Variants in MAML3 observed in about 807,000 individuals in gnomAD.
MAML3 encodes mastermind-like protein 3.
Under a neutral mutation model 101.9 loss-of-function variants are expected in MAML3, and 27 were observed. The observed-to-expected ratio is 0.27, with a 90% CI of 0.20 to 0.37. The LOEUF is 0.37. MAML3 is among the 10% of genes least tolerant of loss of function. The pLI, the probability that MAML3 is intolerant of heterozygous loss-of-function variation, is 1.00. For missense variants in MAML3, 1,316 were observed against 1,444.9 expected, an observed-to-expected ratio of 0.91 and a Z score of 1.45; for synonymous variants, 501 against 555.9, an observed-to-expected ratio of 0.90 and a Z score of 1.39.
intron 1 of MAML3, among the ~76,000 whole-genome samples, chr4:140,013,158 T>A (rs1726590270): frequency 1.3e-5 from 2 of 152,318 alleles, no homozygotes; most frequent in South Asian, 4.1e-4. Flanking sequence ...AACCATTCTT[T>A]CCTTTACTCT....
intron 2 of MAML3, among the ~76,000 whole-genome samples, chr4:139,734,303 C>A (rs1279094590): frequency 1.3e-5 from 2 of 152,208 alleles, no homozygotes; most frequent in Non-Finnish European, 1.5e-5. Context: ...TTAGAGAAAA[C>A]CAGGCTGAGC....
chr4:139,843,088 G>C (rs1007548355), intron 2 of MAML3, among the ~76,000 whole-genome samples: 1 of 152,040 alleles, frequency 6.6e-6, no homozygotes, highest in Non-Finnish European at 1.5e-5. Flanking sequence ...GCCAAGGCCA[G>C]TTCCTTTTGT....
intron 3 of MAML3, among the ~76,000 whole-genome samples, chr4:139,728,874 G>C (rs1279020024): frequency 2.0e-5 from 3 of 152,138 alleles, no homozygotes; most frequent in African/African-American, 4.8e-5. Flanking sequence ...TGCTTGCCCT[G>C]GGCCTTCTTT....
chr4:140,052,130 C>T (rs990650476), intron 1 of MAML3, among the ~76,000 whole-genome samples: 3 of 152,066 alleles, frequency 2.0e-5, no homozygotes, highest in Admixed American at 6.6e-5. Flanking sequence ...GTAAAACCTA[C>T]GAAAAGCCCA....
At position 139,960,325 on chromosome 4, in the gene MAML3, T is replaced by C. The variant is rs538858342; in HGVS notation, c.469-69358A>G. 5.6e-4 allele frequency among the ~76,000 whole-genome samples: 85 copies of C among 152,228 alleles called. 1 individual carries two copies. The highest frequency in any genetic ancestry group is 1.0e-4 in the Non-Finnish European group (7 of 68,044). On this transcript the variant is annotated intron_variant, in intron 1 of 4. Coordinates refer to ENST00000509479, the MANE Select transcript of MAML3 (RefSeq NM_018717.5). ...GCTGAAATGTGTCTGTTTTAAAAGATAATTGGCTTCAGCATTGCATTTGCC... is the reference window on the plus strand; with the variant it reads ...GCTGAAATGTGTCTGTTTTAAAAGACAATTGGCTTCAGCATTGCATTTGCC...
chr4:139,943,230 T>C (rs1733639106), intron 1 of MAML3, among the ~76,000 whole-genome samples: 1 of 152,192 alleles, frequency 6.6e-6, no homozygotes, highest in Non-Finnish European at 1.5e-5. Flanking sequence ...GAGATGAAGT[T>C]CATAATCCTT....
intron 1 of MAML3, among the ~76,000 whole-genome samples, chr4:139,941,968 T>C (rs1274385687): frequency 6.6e-5 from 10 of 151,998 alleles, no homozygotes; most frequent in Non-Finnish European, 1.5e-4. Flanking sequence ...ACCCCGTCCC[T>C]ACTAAAAATA....
intron 1 of MAML3, among the ~76,000 whole-genome samples, chr4:140,100,534 C>T (rs1478229388): frequency 2.0e-5 from 3 of 151,930 alleles, no homozygotes; most frequent in Non-Finnish European, 4.4e-5. Flanking sequence ...AGTGGAAAAA[C>T]ATATATATGT....
chr4:139,814,516 C>T (rs966251628), intron 2 of MAML3, among the ~76,000 whole-genome samples: 1 of 152,102 alleles, frequency 6.6e-6, no homozygotes, highest in Non-Finnish European at 1.5e-5. Flanking sequence ...TCACGGGGGA[C>T]GATTTCAAAA....
chr4:139,933,163 A>G (rs1029491379), intron 1 of MAML3, among the ~76,000 whole-genome samples: 9 of 152,252 alleles, frequency 5.9e-5, no homozygotes, highest in African/African-American at 1.9e-4. Context: ...GGAAGGAGGG[A>G]AAGAGTGGGG....
chr4:140,027,553 C>A (rs1480879409), intron 1 of MAML3, among the ~76,000 whole-genome samples: 1 of 152,184 alleles, frequency 6.6e-6, no homozygotes, highest in Admixed American at 6.5e-5. Flanking sequence ...CTTCAAGTTG[C>A]CCTCTGCCCT....
At chr4:139,814,030 AC>A (rs1730852237) in intron 2 of MAML3, among the ~76,000 whole-genome samples, 4 of 149,492 alleles carry the variant, frequency 2.7e-5, no homozygotes, top group African/African-American at 1.0e-4. Context: ...ACACAAACAC[AC>A]ACACACACAC....
intron 1 of MAML3, among the ~76,000 whole-genome samples, chr4:140,070,834 G>C (rs1263869740): frequency 6.6e-6 from 1 of 152,124 alleles, no homozygotes; most frequent in East Asian, 1.9e-4. Flanking sequence ...CTCTCCCTTT[G>C]GTTAAGATAG....
At chr4:140,084,382 A>G (rs1035983765) in intron 1 of MAML3, among the ~76,000 whole-genome samples, 3 of 152,188 alleles carry the variant, frequency 2.0e-5, no homozygotes, top group Non-Finnish European at 2.9e-5. Context: ...TGCACAACCT[A>G]ATGTGCACGT....
chr4:139,936,827 C>T (rs1733516790), intron 1 of MAML3, among the ~76,000 whole-genome samples: 1 of 152,126 alleles, frequency 6.6e-6, no homozygotes, highest in Non-Finnish European at 1.5e-5. Context: ...TAAAAAGTGA[C>T]CCCCCTGAAA....
chr4:140,059,430 C>T (rs1053289255), intron 1 of MAML3, among the ~76,000 whole-genome samples: 1 of 152,182 alleles, frequency 6.6e-6, no homozygotes, highest in Non-Finnish European at 1.5e-5. Context: ...TTTCAAACAT[C>T]TGATAACACC....
intron 1 of MAML3, among the ~76,000 whole-genome samples, chr4:139,978,855 G>A (rs758872631): frequency 3.3e-5 from 5 of 151,998 alleles, no homozygotes; most frequent in Admixed American, 1.3e-4. Flanking sequence ...AGCAGGAAAC[G>A]GATTTGCCAC....
intron 1 of MAML3, among the ~76,000 whole-genome samples, chr4:140,135,635 C>T (rs188632069): frequency 3.2e-4 from 48 of 152,354 alleles, no homozygotes; most frequent in African/African-American, 1.0e-3. Flanking sequence ...GCCAATGAGA[C>T]TAGACGTCTC....
chr4:139,774,207 A>G (rs986769764), intron 2 of MAML3, among the ~76,000 whole-genome samples: 1 of 152,192 alleles, frequency 6.6e-6, no homozygotes, highest in Non-Finnish European at 1.5e-5. Flanking sequence ...AATGGTCAAA[A>G]TGTTCCTGAC....
Sources: gnomAD v4.1 joint callset for allele counts (sites outside exome capture counted in the v4.1 genomes callset) on GRCh38, gnomAD v4.1.1 for gene constraint, MANE v1.5 for transcripts, NCBI Gene and HGNC (gene_info 2026-07-23, HGNC 2026-07-21) for gene names.